The following LAMA3 variants were observed in gnomAD, a reference collection of about 807,000 sequenced individuals.
The protein encoded by LAMA3 is laminin subunit alpha 3.
Under a neutral mutation model 402.0 loss-of-function variants are expected in LAMA3, and 281 were observed. That is an observed-to-expected ratio of 0.70 (90% CI 0.63 to 0.77). The LOEUF (loss-of-function observed/expected upper bound fraction) is 0.77, where lower values mean the gene tolerates loss of function less well. LAMA3 is among the 30% of genes least tolerant of loss of function. The probability of loss-of-function intolerance (pLI) is 0.00; values close to 1 mark genes in which losing one functional copy is unlikely to be tolerated. For missense variants in LAMA3, 3,840 were observed against 4,215.5 expected, an observed-to-expected ratio of 0.91 and a Z score of 2.47; for synonymous variants, 1,431 against 1,558.4, an observed-to-expected ratio of 0.92 and a Z score of 1.93.
intron 25 of LAMA3, among the ~76,000 whole-genome samples, chr18:23,837,803 A>G (rs2063617556): frequency 1.3e-5 from 2 of 152,080 alleles, no homozygotes; most frequent in South Asian, 4.2e-4. Flanking sequence ...GATACTACGC[A>G]TGCATCACAC....
rs766679341 is a variant in LAMA3, at chr18:23,858,706, A to G, written c.4299A>G (p.Thr1433=). Residue 1433 remains threonine, a synonymous_variant, in exon 34 of 75, where the codon ACA becomes ACG. Coordinates refer to ENST00000313654, the MANE Select transcript of LAMA3 (RefSeq NM_198129.4). ...TTCAATAGGAAAATGTAGAAGGCAC[A>G]GAGTGTAATGTGTGTCGAGAAGGCT... The part of the protein sequence containing the change: ...ACLCKENVEG[T]ECNVCREGSF... The G allele has an allele frequency of 6.2e-7, 1 of 1,614,230 alleles. No individual in the cohort carries two copies. The highest frequency in any genetic ancestry group is 8.5e-7 in the Non-Finnish European group (1 of 1,180,038).
chr18:23,708,096 C>T lies in LAMA3; in HGVS notation c.295-5824C>T, dbSNP rs559058560. 4.1e-4 allele frequency among the ~76,000 whole-genome samples: 63 copies of T among 152,176 alleles called. 1 individual carries two copies. Among genetic ancestry groups the T allele is most frequent in the African/African-American group, 1.5e-3 (61 of 41,526 alleles). On this transcript the variant is annotated intron_variant, in intron 1 of 74. Transcript: ENST00000313654. ...TTCATCTGAAGTTGAATTGCATTTG[C>T]GACTTGAGTAGAACTCTGATTTTAT...
chr18:23,761,527 G>A (rs1041260019), intron 7 of LAMA3, among the ~76,000 whole-genome samples: 5 of 152,150 alleles, frequency 3.3e-5, no homozygotes, highest in African/African-American at 9.7e-5. Flanking sequence ...TTCCAATCTG[G>A]ACTATAGGGA....
Position 23,842,475 on chromosome 18 carries a change from G to A in LAMA3, c.3417G>A (p.Pro1139=), listed in dbSNP as rs761961942. Residue 1139 remains proline (P), a synonymous_variant, in exon 28 of 75, where the codon CCG becomes CCA. Coordinates refer to ENST00000313654, the MANE Select transcript of LAMA3 (RefSeq NM_198129.4). ...FVIHFYQAAH[P]TFPAQVSVDG... is the part of the protein sequence containing the mutation. ...TCCATTTTTACCAAGCAGCGCACCC[G>A]ACGTTTCCCGCGCAGGTGTCGGTGG... 6.8e-6 allele frequency: 11 copies of A among 1,614,058 alleles called. No homozygotes were observed. The highest frequency in any genetic ancestry group is 2.7e-5 in the African/African-American group (2 of 74,934).
chr18:23,875,959 A>G (rs1404167842), intron 38 of LAMA3, among the ~76,000 whole-genome samples: 2 of 152,222 alleles, frequency 1.3e-5, no homozygotes, highest in Non-Finnish European at 1.5e-5. Flanking sequence ...ACAAGTGGAC[A>G]TGACAGGTGG....
At chr18:23,690,309 C>T (rs1361324966) in intron 1 of LAMA3, among the ~76,000 whole-genome samples, 16 of 152,346 alleles carry the variant, frequency 1.1e-4, no homozygotes, top group African/African-American at 3.8e-4. Context: ...ACCCACGGAG[C>T]GTCCCGCCAG....
rs577541668 is a variant in LAMA3 at position 23,702,640 on chromosome 18, C to T, written c.295-11280C>T. On this transcript the variant is annotated intron_variant, in intron 1 of 74. Transcript: ENST00000313654. ...CCACGCCTAGCTTAAAAATATCCTC[C>T]TTACCTGGTTGTGTCTGACTCACAG... Among the ~76,000 whole-genome samples, 3 of 152,284 alleles carry T rather than the reference C, an allele frequency of 2.0e-5. No individual in the cohort carries two copies. In the East Asian group the frequency reaches 5.8e-4, roughly 29 times the overall value.
intron 2 of LAMA3, among the ~76,000 whole-genome samples, chr18:23,715,811 TA>T (rs1363547691): frequency 3.3e-5 from 5 of 152,148 alleles, no homozygotes; most frequent in Non-Finnish European, 7.4e-5. Context: ...ACAGTTCATA[TA>T]AAAAATACTA....
In LAMA3 at chr18:23,748,048, C is replaced by A; in HGVS notation, c.553C>A (p.Gln185Lys). The A allele has an allele frequency of 6.3e-7, 1 of 1,589,842 alleles. No homozygotes were observed. Among genetic ancestry groups the A allele is most frequent in the Non-Finnish European group, 8.6e-7 (1 of 1,157,794 alleles). ...CTTTGGAAGCACCTACTCACCATGG[C>A]AATATTTTGCTCGTAAGTAATCTTG... ...VDFGSTYSPWQYFAHSKVDCL... is the reference protein window; with the variant it reads ...VDFGSTYSPWKYFAHSKVDCL... The change falls in exon 3 of 75, where the codon CAA (glutamine) becomes AAA (lysine). Residue 185 changes from glutamine (Q) to lysine (K), a missense_variant. Gln to Lys is a moderately conservative substitution (Grantham distance 53). Coordinates refer to ENST00000313654, the MANE Select transcript of LAMA3 (RefSeq NM_198129.4).
At chr18:23,696,569 C>T (rs7231229) in intron 1 of LAMA3, among the ~76,000 whole-genome samples, 71,422 of 151,940 alleles carry the variant, frequency 0.47, 19,050 homozygotes, top group Non-Finnish European at 0.61. Flanking sequence ...GGTGCGATCT[C>T]GGCTCACTGC....
chr18:23,753,300 G>A (rs1040609352), intron 5 of LAMA3, among the ~76,000 whole-genome samples: 2 of 152,100 alleles, frequency 1.3e-5, no homozygotes, highest in East Asian at 1.9e-4. Flanking sequence ...AGTATTTTGC[G>A]CAAAGCAAGT....
Position 23,861,635 on chromosome 18 carries a change from C to T in LAMA3, c.4423-11C>T. 6.2e-7 allele frequency: 1 copy of T among 1,614,170 alleles called. No homozygotes were observed. The highest frequency in any genetic ancestry group is 8.5e-7 in the Non-Finnish European group (1 of 1,180,024). ...GACGTTTCCATCCCTTGCTTCTCTC[C>T]CTCTTTCCAGTTTGTGGATATGCTG... On this transcript the variant is annotated splice_polypyrimidine_tract_variant and intron_variant, in intron 34 of 74. Coordinates refer to ENST00000313654, the MANE Select transcript of LAMA3 (RefSeq NM_198129.4).
At chr18:23,698,422 G>T (rs1329320511) in intron 1 of LAMA3, among the ~76,000 whole-genome samples, 1 of 152,074 alleles carries the variant, frequency 6.6e-6, no homozygotes, top group Non-Finnish European at 1.5e-5. Flanking sequence ...AGACAGGATG[G>T]TCTCAATCTC....
chr18:23,921,489 G>A lies in LAMA3; in HGVS notation c.8081G>A (p.Trp2694Ter), dbSNP rs1555740945. Residue 2694 changes from tryptophan to a stop codon, truncating the protein, a stop_gained, in exon 62 of 75, where the codon TGG becomes TAG. Transcript: ENST00000313654. LOFTEE classifies it high-confidence loss of function. The stretch of plus-strand genomic sequence containing the variant: ...ATTGGAAAACTCCAAAAGCGTATGT[G>A]GATAAATGTGGACGTTCAAAACACT... ...IKIGKLQKRM[W>*]INVDVQNTII... 6.2e-7 allele frequency: 1 copy of A among 1,613,744 alleles called. No homozygotes were observed. Among genetic ancestry groups the A allele is most frequent in the East Asian group, 2.2e-5 (1 of 44,852 alleles).
intron 62 of LAMA3, among the ~76,000 whole-genome samples, chr18:23,927,390 A>C (rs1599119031): frequency 6.6e-6 from 1 of 152,268 alleles, no homozygotes; most frequent in East Asian, 1.9e-4. Flanking sequence ...CCTGATCTCG[A>C]ACACCTGACC....
chr18:23,807,758 G>A (rs750213870), intron 12 of LAMA3, among the ~76,000 whole-genome samples: 100 of 152,250 alleles, frequency 6.6e-4, no homozygotes, highest in Non-Finnish European at 1.2e-3. Flanking sequence ...TTTACTCAAA[G>A]TCTACTGATT....
At chr18:23,836,120 C>G in intron 24 of LAMA3, among the ~76,000 whole-genome samples, 1 of 151,656 alleles carries the variant, frequency 6.6e-6, no homozygotes, top group East Asian at 1.9e-4. Context: ...CACACACACA[C>G]ACACACACAC....
At chr18:23,872,106 A>T (rs1290176273) in intron 38 of LAMA3, among the ~76,000 whole-genome samples, 5 of 152,206 alleles carry the variant, frequency 3.3e-5, no homozygotes, top group Admixed American at 2.0e-4. Context: ...TTTTAAAATA[A>T]CATATTTTTT....
Position 23,784,077 on chromosome 18 carries a change from G to A in LAMA3, c.1523G>A (p.Arg508Gln), listed in dbSNP as rs373484476. The change falls in exon 12 of 75, where the codon CGG (arginine) becomes CAG (glutamine). Residue 508 changes from arginine (R) to glutamine (Q), a missense_variant. Physicochemically the swap from Arg to Gln is conservative, Grantham distance 43. This residue lies in a region of LAMA3 where 2,109 missense variants were observed against 2,376.0 expected (regional missense o/e 0.89). Coordinates refer to ENST00000313654, the MANE Select transcript of LAMA3 (RefSeq NM_198129.4). Reference protein sequence around the residue: ...VLPEICDAHGRCLCRPGVEGP... With the variant: ...VLPEICDAHGQCLCRPGVEGP... ...CCTGAAATATGTGATGCCCACGGAC[G>A]GTGCCTGTGCCGCCCTGGGGTTGAG... The A allele has an allele frequency of 1.1e-5, 17 of 1,614,008 alleles. No individual in the cohort carries two copies. The highest frequency in any genetic ancestry group is 9.3e-5 in the African/African-American group (7 of 74,888).
Sources: gnomAD v4.1 joint callset for allele counts (sites outside exome capture counted in the v4.1 genomes callset) on GRCh38, gnomAD v4.1.1 for gene constraint, gnomAD v4.1.1 regional missense constraint, MANE v1.5 for transcripts, NCBI Gene and HGNC (gene_info 2026-07-23, HGNC 2026-07-21) for gene names.